Variants in REPS2 observed in about 807,000 individuals in gnomAD.
REPS2 encodes the protein RALBP1 associated Eps domain containing 2.
A neutral mutation model predicts 53.6 loss-of-function variants in REPS2; 23 were observed. The ratio of observed to expected loss-of-function variants is 0.43; its 90% CI spans 0.31 to 0.61. The LOEUF is 0.61. Among genes scored for constraint, REPS2 ranks in the 20% least tolerant of loss-of-function variants. REPS2 has a pLI of 0.11. For missense variants in REPS2, 446 were observed against 534.9 expected (o/e 0.83, Z 1.64); for synonymous variants, 238 against 218.6 (o/e 1.09, Z -0.78).
At chrX:16,978,047 CTGGGTAG>C (rs1420520767) in intron 1 of REPS2, among the ~76,000 whole-genome samples, 1 of 111,778 alleles carries the variant, frequency 8.9e-6, no homozygotes, top group Non-Finnish European at 1.9e-5. Flanking sequence ...ATGGTGGTTC[CTGGGTAG>C]TTACTCTTCT....
chrX:17,161,979 C>T, the REPS2 span, among the ~76,000 whole-genome samples: 1 of 111,930 alleles, frequency 8.9e-6, no homozygotes, highest in Non-Finnish European at 1.9e-5. Context: ...TTAACTTGTC[C>T]GTTTCCCATC....
In REPS2 at chrX:17,034,493, T is replaced by A. The variant is rs1256078235; in HGVS notation, c.771+4870T>A. On this transcript the variant is annotated intron_variant, in intron 5 of 17. Coordinates refer to ENST00000357277, the MANE Select transcript of REPS2 (RefSeq NM_004726.3). ...GTATTTTTATTAGAGACGGGGTTTC[T>A]CCATGTTGGTCAGGCTGGTCTTGAA... 2.7e-5 allele frequency among the ~76,000 whole-genome samples: 3 copies of A among 110,819 alleles called. No homozygotes were observed. In the Admixed American group the frequency reaches 2.9e-4, roughly 11 times the overall value.
At chrX:17,147,322 A>G in intron 17 of REPS2, 91 bp from the exon 18 acceptor site, 1 of 691,886 alleles carries the variant, frequency 1.4e-6, no homozygotes, top group Non-Finnish European at 2.3e-6. Context: ...GGGTCCAGTT[A>G]TAAGTTTCCT....
At position 17,006,266 on chromosome X, in the gene REPS2, A is replaced by C; in HGVS notation, c.319A>C (p.Thr107Pro). The change falls in exon 2 of 18, where the codon ACA (threonine) becomes CCA (proline). Residue 107 changes from threonine (T) to proline (P), a missense_variant. By Grantham distance (38) the Thr-to-Pro change is conservative. Transcript: ENST00000357277. ...AAAGCGGGTTGGTTATTTTGGTCCAACACAGTTTTACATTGCCCTGAAATT... is the reference window on the plus strand; with the variant it reads ...AAAGCGGGTTGGTTATTTTGGTCCACCACAGTTTTACATTGCCCTGAAATT... Reference protein sequence around the residue: ...GAKRVGYFGPTQFYIALKLIA... With the variant: ...GAKRVGYFGPPQFYIALKLIA... 8.3e-7 allele frequency: 1 copy of C among 1,208,932 alleles called. No individual in the cohort carries two copies. Among genetic ancestry groups the C allele is most frequent in the Non-Finnish European group, 1.1e-6 (1 of 892,797 alleles).
chrX:17,030,216 C>CT (rs1358731551), intron 5 of REPS2, among the ~76,000 whole-genome samples: 1 of 111,452 alleles, frequency 9.0e-6, no homozygotes, highest in Non-Finnish European at 1.9e-5. Context: ...CAGTGTTTTC[C>CT]TTTGGATAAA....
intron 13 of REPS2, chrX:17,100,200 G>A (rs2062767555): frequency 1.2e-5 from 7 of 601,508 alleles, no homozygotes; most frequent in Non-Finnish European, 1.7e-5. Flanking sequence ...TTCCACTTTA[G>A]GAGGTACTCC....
At chrX:16,994,004 A>G (rs972869258) in intron 1 of REPS2, among the ~76,000 whole-genome samples, 1 of 112,989 alleles carries the variant, frequency 8.9e-6, no homozygotes, top group African/African-American at 3.2e-5. Flanking sequence ...CTACAGCCAG[A>G]TAACCTCACA....
chrX:17,194,134 A>G, the REPS2 span, among the ~76,000 whole-genome samples: 1 of 111,893 alleles, frequency 8.9e-6, no homozygotes, highest in South Asian at 3.8e-4. Flanking sequence ...CTACTTGCCA[A>G]TTGTGTGACC....
At chrX:17,014,947 G>A (rs1228568271) in intron 2 of REPS2, among the ~76,000 whole-genome samples, 1 of 113,254 alleles carries the variant, frequency 8.8e-6, no homozygotes, top group Non-Finnish European at 1.9e-5. Context: ...TAGCCTTGTG[G>A]CTGGGAATGT....
At chrX:17,147,322 A>T in intron 17 of REPS2, 91 bp from the exon 18 acceptor site, 2 of 691,886 alleles carry the variant, frequency 2.9e-6, no homozygotes, top group Non-Finnish European at 4.5e-6. Flanking sequence ...GGGTCCAGTT[A>T]TAAGTTTCCT....
intron 1 of REPS2, among the ~76,000 whole-genome samples, chrX:16,989,801 G>A (rs1188751547): frequency 8.9e-6 from 1 of 112,287 alleles, no homozygotes; most frequent in African/African-American, 3.2e-5. Flanking sequence ...TGGCAAGGCT[G>A]TAGAGAAATG....
chrX:17,110,102 T>G (rs1262103119), intron 14 of REPS2, among the ~76,000 whole-genome samples: 1 of 111,646 alleles, frequency 9.0e-6, no homozygotes, highest in Admixed American at 9.5e-5. Flanking sequence ...CATACTTTTT[T>G]GGGGCAGGGG....
intron 5 of REPS2, among the ~76,000 whole-genome samples, chrX:17,041,315 T>C (rs2061826874): frequency 9.0e-6 from 1 of 111,689 alleles, no homozygotes; most frequent in South Asian, 3.7e-4. Context: ...GTGACACCTC[T>C]ACACCAGGCA....
At position 17,103,681 on chromosome X, in the gene REPS2, G is replaced by A. The variant is rs764447674; in HGVS notation, c.1517-37G>A. ...AAGAGTTTTTTGTTGTTTATTTTTG[G>A]GGGGTGATCCTTAATAGTATGTGTT... On this transcript the variant is annotated intron_variant, in intron 13 of 17. Transcript: ENST00000357277. The A allele has an allele frequency of 4.5e-5, 53 of 1,169,081 alleles. No homozygotes were observed. The South Asian group carries it at 8.7e-4, about 19-fold the overall frequency.
intron 5 of REPS2, among the ~76,000 whole-genome samples, chrX:17,041,618 A>T (rs1326667692): frequency 3.6e-5 from 4 of 112,175 alleles, no homozygotes; most frequent in African/African-American, 1.3e-4. Context: ...AGGCATCCTC[A>T]GATATTCACT....
In REPS2 at chrX:17,006,353, C is replaced by G; in HGVS notation, c.397+9C>G. The stretch of plus-strand genomic sequence containing the variant: ...AGAGAGTATTAAATGTGGTGAGTAT[C>G]TCACATTTGTATGTTTTATTGTCCA... On this transcript the variant is annotated intron_variant, in intron 2 of 17. Transcript: ENST00000357277. 1 of 1,203,756 alleles carries G rather than the reference C, an allele frequency of 8.3e-7. No individual in the cohort carries two copies. Among genetic ancestry groups the G allele is most frequent in the Non-Finnish European group, 1.1e-6 (1 of 889,227 alleles).
intron 13 of REPS2, among the ~76,000 whole-genome samples, chrX:17,099,157 T>A (rs1416765470): frequency 9.0e-6 from 1 of 111,537 alleles, no homozygotes; most frequent in Non-Finnish European, 1.9e-5. Flanking sequence ...GCTTTTAAAG[T>A]CTCTCACAGT....
At chrX:17,186,205 G>A in the REPS2 span, among the ~76,000 whole-genome samples, 1 of 112,481 alleles carries the variant, frequency 8.9e-6, no homozygotes, top group Non-Finnish European at 1.9e-5. Flanking sequence ...CTGCTTCAGA[G>A]AACTTACTAG....
intron 8 of REPS2, 96 bp from the exon 9 acceptor site, chrX:17,062,342 G>T: frequency 1.6e-6 from 1 of 613,255 alleles, no homozygotes; most frequent in Non-Finnish European, 2.6e-6. Context: ...AGCTGATTTT[G>T]TTGTTATATT....
Sources: allele counts gnomAD v4.1 joint callset (sites outside exome capture counted in the v4.1 genomes callset), GRCh38; gene constraint gnomAD v4.1.1; transcripts MANE v1.5; gene names NCBI Gene and HGNC (gene_info 2026-07-23, HGNC 2026-07-21).